MALRD1: variants seen among roughly 807,000 people sequenced by gnomAD.
The protein encoded by MALRD1 is MAM and LDL receptor class A domain containing 1, also known as MAM and LDL-receptor class A domain-containing protein 1.
MALRD1 carries 247 observed loss-of-function variants against 242.1 expected under a neutral mutation model. The observed-to-expected ratio is 1.02, with a 90% CI of 0.92 to 1.13. MALRD1 has a LOEUF of 1.13. Among genes scored for constraint, MALRD1 ranks in the 50% most tolerant of loss-of-function variants. The probability of loss-of-function intolerance (pLI) is 0.00; values close to 1 mark genes in which losing one functional copy is unlikely to be tolerated. For missense variants in MALRD1, 2,989 were observed against 2,533.1 expected, an observed-to-expected ratio of 1.18 and a Z score of -3.86; for synonymous variants, 995 against 866.6, an observed-to-expected ratio of 1.15 and a Z score of -2.60.
At chr10:19,297,441 C>T (rs182689375) in intron 21 of MALRD1, among the ~76,000 whole-genome samples, 100 of 151,596 alleles carry the variant, frequency 6.6e-4, no homozygotes, top group Non-Finnish European at 1.2e-3. Context: ...ATTAGTGGCA[C>T]GACGGTAAGA....
chr10:19,207,818 A>G (rs1836854531), intron 17 of MALRD1, among the ~76,000 whole-genome samples: 1 of 152,178 alleles, frequency 6.6e-6, no homozygotes, highest in African/African-American at 2.4e-5. Flanking sequence ...TGTTTAATTT[A>G]TAAATTAGGC....
At chr10:19,148,788 A>AAAATATATATATATATATATATAT (rs1206724666) in intron 11 of MALRD1, among the ~76,000 whole-genome samples, 2 of 88,044 alleles carry the variant, frequency 2.3e-5, no homozygotes, top group Non-Finnish European at 4.9e-5. Context: ...AAAAAAAAAA[A>AAAATATATATATATATATATATAT]ATATATATAT....
intron 21 of MALRD1, among the ~76,000 whole-genome samples, chr10:19,300,181 T>G (rs1043475530): frequency 1.3e-5 from 2 of 151,812 alleles, no homozygotes; most frequent in African/African-American, 4.8e-5. Context: ...AAGATCTTTA[T>G]AACAAGAATT....
At chr10:19,047,851 G>C (rs1034136409), upstream of MALRD1, among the ~76,000 whole-genome samples, 1 of 152,054 alleles carries the variant, frequency 6.6e-6, no homozygotes, top group Non-Finnish European at 1.5e-5. Flanking sequence ...CCTGGTCTAT[G>C]CTCCTTTCCA....
chr10:19,441,870 A>G (rs973223397), intron 28 of MALRD1, among the ~76,000 whole-genome samples: 1 of 152,166 alleles, frequency 6.6e-6, no homozygotes, highest in Non-Finnish European at 1.5e-5. Flanking sequence ...TTCTGTGAAG[A>G]AAGTCATTGG....
intron 19 of MALRD1, among the ~76,000 whole-genome samples, chr10:19,268,080 G>C (rs1412573163): frequency 6.6e-6 from 1 of 152,070 alleles, no homozygotes; most frequent in Admixed American, 6.5e-5. Flanking sequence ...ACATGGAGAA[G>C]GTTGTCTAAA....
chr10:19,165,357 A>G (rs1352232327), intron 12 of MALRD1, among the ~76,000 whole-genome samples: 2 of 149,654 alleles, frequency 1.3e-5, no homozygotes, highest in African/African-American at 5.0e-5. Context: ...CTGGAGTGCA[A>G]TGGCGTGATC....
intron 33 of MALRD1, among the ~76,000 whole-genome samples, chr10:19,584,811 T>C (rs1412610728): frequency 6.6e-6 from 1 of 152,098 alleles, no homozygotes; most frequent in Non-Finnish European, 1.5e-5. Flanking sequence ...ATCTGTCTAA[T>C]GTTGACAGTG....
At position 19,734,469 on chromosome 10, in the gene MALRD1, A is replaced by G. The variant is rs1835413965; in HGVS notation, c.*232A>G. On this transcript the variant is annotated 3_prime_UTR_variant, in exon 40 of 40. Transcript: ENST00000454679. ...ATCTGAATATTTTAATAAAATTTCT[A>G]TTTAATCAAGTTTCTTGTTTTTCTT... 7 of 333,962 alleles carry G rather than the reference A, an allele frequency of 2.1e-5. No homozygotes were observed. The highest frequency in any genetic ancestry group is 4.8e-5 in the Admixed American group (1 of 20,812). 20.7% of individuals were successfully genotyped at this position (333,962 alleles called of 1,614,324 possible). A position where few individuals can be genotyped will look rare whatever the true frequency, so the allele number is the denominator to read the frequency against.
chr10:19,446,319 A>T (rs899037003), intron 28 of MALRD1, among the ~76,000 whole-genome samples: 1 of 152,130 alleles, frequency 6.6e-6, no homozygotes, highest in Non-Finnish European at 1.5e-5. Flanking sequence ...AGTTGAACCC[A>T]GTACCTCAGT....
At chr10:19,583,805 G>T (rs1837250341) in intron 33 of MALRD1, among the ~76,000 whole-genome samples, 1 of 151,926 alleles carries the variant, frequency 6.6e-6, no homozygotes, top group Admixed American at 6.6e-5. Flanking sequence ...AATGGTACCA[G>T]TTCCTCCTTG....
At chr10:19,688,216 C>G (rs1449101408) in intron 36 of MALRD1, among the ~76,000 whole-genome samples, 1 of 152,162 alleles carries the variant, frequency 6.6e-6, no homozygotes, top group African/African-American at 2.4e-5. Flanking sequence ...GACGATGTGC[C>G]CGCCTTGGCC....
chr10:19,118,121 G>A (rs1423019256), intron 5 of MALRD1, among the ~76,000 whole-genome samples: 1 of 152,202 alleles, frequency 6.6e-6, no homozygotes, highest in Non-Finnish European at 1.5e-5. Flanking sequence ...AGATGGTGAT[G>A]TTTAAATAGT....
At chr10:19,123,741 A>T (rs970049648) in intron 6 of MALRD1, 148 bp downstream of exon 6, 11 of 409,290 alleles carry the variant, frequency 2.7e-5, no homozygotes, top group East Asian at 3.6e-5. Context: ...GTGGTGGTTT[A>T]TACTAAATAT....
intron 29 of MALRD1, among the ~76,000 whole-genome samples, chr10:19,484,239 G>C (rs1035828562): frequency 1.5e-4 from 23 of 152,242 alleles, no homozygotes; most frequent in Non-Finnish European, 2.5e-4. Context: ...ATATCCATGA[G>C]ACAAACCTGT....
intron 19 of MALRD1, among the ~76,000 whole-genome samples, chr10:19,273,736 A>T (rs1023148255): frequency 2.0e-5 from 3 of 152,176 alleles, no homozygotes; most frequent in African/African-American, 7.2e-5. Flanking sequence ...AGAGGGTAGG[A>T]TGCATAGATG....
chr10:19,274,746 C>T (rs545246637), intron 19 of MALRD1, among the ~76,000 whole-genome samples: 1 of 152,082 alleles, frequency 6.6e-6, no homozygotes, highest in Non-Finnish European at 1.5e-5. Flanking sequence ...CATTGTAGGA[C>T]TCAACTCATA....
chr10:19,119,522 G>A (rs908419165), intron 5 of MALRD1, among the ~76,000 whole-genome samples: 1 of 152,104 alleles, frequency 6.6e-6, no homozygotes, highest in Non-Finnish European at 1.5e-5. Context: ...ACAGGAAGTC[G>A]GAGCTGTCTT....
chr10:19,243,304 A>G (rs764635091), intron 18 of MALRD1, among the ~76,000 whole-genome samples: 1 of 152,122 alleles, frequency 6.6e-6, no homozygotes, highest in African/African-American at 2.4e-5. Context: ...CAACTAAATC[A>G]ATTATTTAAT....
Sources: allele counts gnomAD v4.1 joint callset (sites outside exome capture counted in the v4.1 genomes callset), GRCh38; gene constraint gnomAD v4.1.1; transcripts MANE v1.5; gene names NCBI Gene and HGNC (gene_info 2026-07-23, HGNC 2026-07-21).